Variants in ZDHHC5 observed in about 807,000 individuals in gnomAD.
ZDHHC5 encodes the protein zDHHC palmitoyltransferase 5.
Under a neutral mutation model 70.0 loss-of-function variants are expected in ZDHHC5, and 22 were observed. The observed-to-expected ratio is 0.31, with a 90% CI of 0.22 to 0.45. ZDHHC5 has a LOEUF of 0.45. Among genes scored for constraint, ZDHHC5 ranks in the 20% least tolerant of loss-of-function variants. The pLI is 1.00. For synonymous variants in ZDHHC5, 313 were observed against 347.8 expected (o/e 0.90, Z 1.11); for missense variants, 746 against 926.9 (o/e 0.80, Z 2.53).
At chr11:57,687,756 G>GTTTTTTTTTTTTTTTT (rs746146074) in intron 3 of ZDHHC5, among the ~76,000 whole-genome samples, 3 of 75,274 alleles carry the variant, frequency 4.0e-5, no homozygotes, top group Admixed American at 1.7e-4. Flanking sequence ...TTTTGGGAAA[G>GTTTTTTTTTTTTTTTT]TTTTTTTTTT....
rs1163200563 is a variant in ZDHHC5, at chr11:57,700,642, A to C, written c.*611A>C. The C allele has an allele frequency of 6.6e-6, 1 of 152,530 alleles. No homozygotes were observed. Among genetic ancestry groups the C allele is most frequent in the Non-Finnish European group, 1.5e-5 (1 of 68,040 alleles). 9.4% of individuals were successfully genotyped at this position (152,530 alleles called of 1,614,324 possible). ...GCTGGTGCTAAGTGTGATTAGGAAG[A>C]AGCCTGGGGAGAGGTGAGTCTGGAA... On this transcript the variant is annotated 3_prime_UTR_variant, in exon 12 of 12. Transcript: ENST00000287169.
intron 2 of ZDHHC5, among the ~76,000 whole-genome samples, chr11:57,679,116 A>G (rs910933307): frequency 2.0e-5 from 3 of 152,052 alleles, no homozygotes; most frequent in Non-Finnish European, 2.9e-5. Context: ...GAGTGTGGAT[A>G]TTGGAATCCA....
intron 9 of ZDHHC5, 104 bp downstream of exon 9, chr11:57,696,147 G>A (rs1474893811): frequency 6.8e-7 from 1 of 1,471,758 alleles, no homozygotes; most frequent in Non-Finnish European, 9.0e-7. Context: ...TATTACTCGT[G>A]TTGTGACTTT....
In ZDHHC5 at chr11:57,700,461, T is replaced by C. The variant is rs1946428777; in HGVS notation, c.*430T>C. 2 of 150,748 alleles carry C rather than the reference T, an allele frequency of 1.3e-5. No homozygotes were observed. Among genetic ancestry groups the C allele is most frequent in the African/African-American group, 4.9e-5 (2 of 41,134 alleles). The allele number at this position is 150,748 out of a possible 1,614,324, so 9.3% of individuals were successfully genotyped here. ...AAATATCAAAGAAATTATATATCTA[T>C]CCTGGGATGGGAAAATGAGGGAGGG... is the stretch of plus-strand genomic sequence containing the variant. On this transcript the variant is annotated 3_prime_UTR_variant, in exon 12 of 12. Transcript: ENST00000287169.
At chr11:57,684,008 G>T (rs905940456) in intron 3 of ZDHHC5, among the ~76,000 whole-genome samples, 22 of 132,238 alleles carry the variant, frequency 1.7e-4, no homozygotes, top group African/African-American at 6.1e-4. Context: ...GTCTCACTCT[G>T]TTGCCCAGGC....
rs189894494 is a variant in ZDHHC5 at position 57,695,231 on chromosome 11, C to T, written c.886-689C>T. Among the ~76,000 whole-genome samples the T allele has an allele frequency of 9.2e-5, 14 of 152,038 alleles. No homozygotes were observed. The East Asian group carries it at 2.3e-3, about 25-fold the overall frequency. Reference sequence around the variant, plus strand: ...GAGCCGAGATCATGCCATTGCACTCCGCCTGGGCAACAAGACCGAAACTCC... The same window carrying T: ...GAGCCGAGATCATGCCATTGCACTCTGCCTGGGCAACAAGACCGAAACTCC... On this transcript the variant is annotated intron_variant, in intron 8 of 11. Coordinates refer to ENST00000287169, the MANE Select transcript of ZDHHC5 (RefSeq NM_015457.3).
At position 57,676,526 on chromosome 11, in the gene ZDHHC5, G is replaced by T. The variant is rs550809339; in HGVS notation, c.104+3332G>T. Among the ~76,000 whole-genome samples the T allele has an allele frequency of 3.3e-5, 5 of 152,302 alleles. No individual in the cohort carries two copies. The South Asian group carries it at 1.0e-3, about 32-fold the overall frequency. ...AAGCCCTCTTTGGGGGAGGTCAGGA[G>T]ATTGATTCTGGTGAAGTCTGTTAAC... is the stretch of plus-strand genomic sequence containing the variant. On this transcript the variant is annotated intron_variant, in intron 2 of 11. Coordinates refer to ENST00000287169, the MANE Select transcript of ZDHHC5 (RefSeq NM_015457.3).
At chr11:57,687,445 C>T (rs982568020) in intron 3 of ZDHHC5, among the ~76,000 whole-genome samples, 7 of 152,024 alleles carry the variant, frequency 4.6e-5, no homozygotes, top group East Asian at 1.9e-4. Flanking sequence ...GTGGCGTGCG[C>T]CTGTAATCCC....
At chr11:57,686,449 G>A (rs1946209205) in intron 3 of ZDHHC5, among the ~76,000 whole-genome samples, 1 of 151,854 alleles carries the variant, frequency 6.6e-6, no homozygotes, top group Admixed American at 6.6e-5. Flanking sequence ...CCGAGTCGCT[G>A]GAATTACAGG....
chr11:57,695,691 G>T (rs926891443), intron 8 of ZDHHC5, among the ~76,000 whole-genome samples: 1 of 151,828 alleles, frequency 6.6e-6, no homozygotes, highest in Non-Finnish European at 1.5e-5. Flanking sequence ...TACTTGGGAG[G>T]CTGAGGTGGG....
In ZDHHC5 at chr11:57,679,525, G is replaced by A. The variant is rs77175800; in HGVS notation, c.105-2897G>A. ...GCTGAATGGATGGGCAGAAGAACCC[G>A]TTCTACCTGAGATGGTATAGGTCTG... On this transcript the variant is annotated intron_variant, in intron 2 of 11. Transcript: ENST00000287169. Among the ~76,000 whole-genome samples, 16 of 152,254 alleles carry A rather than the reference G, an allele frequency of 1.1e-4. No homozygotes were observed. The East Asian group carries it at 2.7e-3, about 26-fold the overall frequency.
chr11:57,695,916 C>T lies in ZDHHC5; in HGVS notation c.886-4C>T. 1 of 1,611,634 alleles carries T rather than the reference C, an allele frequency of 6.2e-7. No individual in the cohort carries two copies. The highest frequency in any genetic ancestry group is 8.5e-7 in the Non-Finnish European group (1 of 1,179,332). ...TCTGATTTTCCCTCCCTTCATCAAT[C>T]CAGTCTAAGGGAAGCCTGGAGATAA... is the stretch of plus-strand genomic sequence containing the variant. On this transcript the variant is annotated splice_region_variant and splice_polypyrimidine_tract_variant and intron_variant, in intron 8 of 11. Coordinates refer to ENST00000287169, the MANE Select transcript of ZDHHC5 (RefSeq NM_015457.3).
intron 2 of ZDHHC5, among the ~76,000 whole-genome samples, chr11:57,678,067 T>G (rs1351452453): frequency 3.3e-5 from 5 of 152,210 alleles, no homozygotes; most frequent in African/African-American, 1.2e-4. Flanking sequence ...CATTTCAGCC[T>G]TCTCTCATCA....
Position 57,700,041 on chromosome 11 carries a change from A to AC in ZDHHC5, c.*12dup. On this transcript the variant is annotated 3_prime_UTR_variant, in exon 12 of 12. Coordinates refer to ENST00000287169, the MANE Select transcript of ZDHHC5 (RefSeq NM_015457.3). ...TGAGATTTCGGTGTGAGCCTTCGGC[A>AC]CCTCCCCTCCCCAACGCCTCTGCGC... The AC allele has an allele frequency of 6.4e-7, 1 of 1,555,618 alleles. No homozygotes were observed. Among genetic ancestry groups the AC allele is most frequent in the South Asian group, 1.2e-5 (1 of 80,802 alleles).
In ZDHHC5 at chr11:57,690,398, C is replaced by T. The variant is rs779678659; in HGVS notation, c.621C>T (p.His207=). 1.3e-5 allele frequency: 21 copies of T among 1,614,002 alleles called. No individual in the cohort carries two copies. The highest frequency in any genetic ancestry group is 1.7e-5 in the Admixed American group (1 of 59,994). ...FIPVAGLTGF[H]VVLVARGRTT... ...CTGTAGCTGGCCTCACGGGATTTCA[C>T]GTGGTTCTGGTGGCCAGGGGACGCA... Residue 207 remains histidine, a synonymous_variant, in exon 6 of 12, where the codon CAC becomes CAT. Coordinates refer to ENST00000287169, the MANE Select transcript of ZDHHC5 (RefSeq NM_015457.3).
At chr11:57,698,118 A>AACAC (rs113494839) in intron 10 of ZDHHC5, among the ~76,000 whole-genome samples, 3,920 of 110,260 alleles carry the variant, frequency 0.036, 85 homozygotes, top group Non-Finnish European at 0.056. Context: ...CTGGGCTTAA[A>AACAC]ACACACACAC....
chr11:57,688,174 C>G (rs191574994), intron 3 of ZDHHC5, among the ~76,000 whole-genome samples: 21 of 152,284 alleles, frequency 1.4e-4, no homozygotes, highest in Admixed American at 9.8e-4. Flanking sequence ...TATGCAAACT[C>G]ATTATGTATG....
At chr11:57,697,204 T>G (rs143244252) in intron 10 of ZDHHC5, among the ~76,000 whole-genome samples, 1,643 of 152,150 alleles carry the variant, frequency 0.011, 35 homozygotes, top group African/African-American at 0.038. Flanking sequence ...GGCTCACGCC[T>G]GTAATCCCAG....
At chr11:57,687,734 TA>T (rs1372233529) in intron 3 of ZDHHC5, among the ~76,000 whole-genome samples, 2 of 147,454 alleles carry the variant, frequency 1.4e-5, no homozygotes, top group Admixed American at 6.9e-5. Flanking sequence ...ATTCATAGAG[TA>T]GGGGAAGACA....
Sources: gnomAD v4.1 joint callset for allele counts (sites outside exome capture counted in the v4.1 genomes callset) on GRCh38, gnomAD v4.1.1 for gene constraint, MANE v1.5 for transcripts, NCBI Gene and HGNC (gene_info 2026-07-23, HGNC 2026-07-21) for gene names.